The following TTC16 variants were observed in gnomAD, a reference collection of about 807,000 sequenced individuals.
TTC16 encodes the protein tetratricopeptide repeat protein 16.
TTC16 carries 66 observed loss-of-function variants against 80.4 expected under a neutral mutation model. That is an observed-to-expected ratio of 0.82 (90% CI 0.67 to 1.01). The LOEUF (loss-of-function observed/expected upper bound fraction) is 1.01. Among genes scored for constraint, TTC16 ranks in the 50% least tolerant of loss-of-function variants. TTC16 has a pLI of 0.00. For missense variants in TTC16, 1,070 were observed against 1,103.2 expected, an observed-to-expected ratio of 0.97 and a Z score of 0.43; for synonymous variants, 438 against 451.3, an observed-to-expected ratio of 0.97 and a Z score of 0.37.
At chr9:127,729,525 G>T (rs913989426) in intron 12 of TTC16, 56 bp from the exon 13 acceptor site, 3 of 1,463,664 alleles carry the variant, frequency 2.0e-6, no homozygotes, top group Non-Finnish European at 2.9e-6. Context: ...CCTTCTAGAG[G>T]TGCAGCTGCA....
chr9:127,716,746 T>G (rs560416741), intron 1 of TTC16, 98 bp from the exon 2 acceptor site: 10 of 1,457,598 alleles, frequency 6.9e-6, no homozygotes, highest in Admixed American at 4.9e-5. Context: ...CAGGCCTCAT[T>G]TCCGCCTCTC....
intron 10 of TTC16, among the ~76,000 whole-genome samples, chr9:127,726,767 G>A (rs545744096): frequency 1.7e-3 from 245 of 147,442 alleles, no homozygotes; most frequent in African/African-American, 5.7e-3. Flanking sequence ...CAGCCTGGGC[G>A]ATAGAGTGAG....
chr9:127,716,275 C>A, intron 1 of TTC16, 112 bp downstream of exon 1: 1 of 1,490,944 alleles, frequency 6.7e-7, no homozygotes, highest in Non-Finnish European at 9.3e-7. Context: ...CAGTCCGACT[C>A]AGGGAAGGCC....
chr9:127,720,412 G>A lies in TTC16; in HGVS notation c.657+17G>A, dbSNP rs756907815. 9.9e-6 allele frequency: 16 copies of A among 1,608,556 alleles called. No homozygotes were observed. Among genetic ancestry groups the A allele is most frequent in the Admixed American group, 6.7e-5 (4 of 59,922 alleles). The stretch of plus-strand genomic sequence containing the variant: ...CTCCAGAAGGTACAGTGGGGAGGGC[G>A]GGCAGGGGCATGCCCCCCAACCTGG... On this transcript the variant is annotated intron_variant, in intron 6 of 13. Coordinates refer to ENST00000373289, the MANE Select transcript of TTC16 (RefSeq NM_144965.3).
At chr9:127,728,333 G>A (rs979371470) in intron 12 of TTC16, 33 of 152,208 alleles carry the variant, frequency 2.2e-4, no homozygotes, top group African/African-American at 7.2e-4. Flanking sequence ...CTCACGCTGC[G>A]GCGGGTGGCA....
rs766174448 is a variant in TTC16 at position 127,723,234 on chromosome 9, C to T, written c.773C>T (p.Ala258Val). Residue 258 changes from alanine (A) to valine (V), a missense_variant, in exon 7 of 14, where the codon GCG becomes GTG. Coordinates refer to ENST00000373289, the MANE Select transcript of TTC16 (RefSeq NM_144965.3). ...VAQAQQARQDAGILAVQGKLQ... is the reference protein window; with the variant it reads ...VAQAQQARQDVGILAVQGKLQ... ...CAGGCCCAGCAGGCGCGCCAAGATG[C>T]GGGGATCCTGGCTGTGCAGGGCAAG... The T allele has an allele frequency of 2.7e-5, 44 of 1,612,764 alleles. No homozygotes were observed. Among genetic ancestry groups the T allele is most frequent in the African/African-American group, 8.0e-5 (6 of 74,942 alleles).
chr9:127,724,433 G>A, intron 8 of TTC16, 69 bp downstream of exon 8: 1 of 1,575,228 alleles, frequency 6.3e-7, no homozygotes, highest in Non-Finnish European at 8.6e-7. Flanking sequence ...GGCCCCCACT[G>A]GGCACTTGAG....
chr9:127,727,782 G>A (rs375274602), intron 12 of TTC16: 47 of 205,904 alleles, frequency 2.3e-4, no homozygotes, highest in African/African-American at 1.3e-3. Context: ...TTTTTGAGTC[G>A]GAGTCTTGCT....
Position 127,716,864 on chromosome 9 carries a change from G to T in TTC16, c.39G>T (p.Gln13His). ...DSDEDALKVD[Q>H]GPSRDIPKPW... ...TCTAGGATGCCCTGAAGGTTGACCAGGGCCCCTCACGGGACATCCCAAAGC... is the reference window on the plus strand; with the variant it reads ...TCTAGGATGCCCTGAAGGTTGACCATGGCCCCTCACGGGACATCCCAAAGC... Residue 13 changes from glutamine to histidine, a missense_variant, in exon 2 of 14, where the codon CAG becomes CAT. Physicochemically the swap from Gln to His is conservative, Grantham distance 24 (BLOSUM62 0). Coordinates refer to ENST00000373289, the MANE Select transcript of TTC16 (RefSeq NM_144965.3). 2 of 1,613,084 alleles carry T rather than the reference G, an allele frequency of 1.2e-6. No individual in the cohort carries two copies. Among genetic ancestry groups the T allele is most frequent in the Non-Finnish European group, 1.7e-6 (2 of 1,179,362 alleles).
rs750588330 is a variant in TTC16 at position 127,723,349 on chromosome 9, G to A, written c.872+16G>A. The stretch of plus-strand genomic sequence containing the variant: ...TCCTCTTCCGGTACTGCATGGGAAG[G>A]TGCTGGCCTTGGGTCCCAGGTCCTG... On this transcript the variant is annotated intron_variant, in intron 7 of 13. Transcript: ENST00000373289. 2.1e-5 allele frequency: 34 copies of A among 1,607,068 alleles called. No homozygotes were observed. Among genetic ancestry groups the A allele is most frequent in the Non-Finnish European group, 2.8e-5 (33 of 1,175,460 alleles).
At position 127,720,406 on chromosome 9, in the gene TTC16, G is replaced by A. The variant is rs909445542; in HGVS notation, c.657+11G>A. 3.7e-6 allele frequency: 6 copies of A among 1,606,220 alleles called. No individual in the cohort carries two copies. Among genetic ancestry groups the A allele is most frequent in the Non-Finnish European group, 4.3e-6 (5 of 1,174,422 alleles). On this transcript the variant is annotated intron_variant, in intron 6 of 13. Transcript: ENST00000373289. ...AACTTTCTCCAGAAGGTACAGTGGG[G>A]AGGGCGGGCAGGGGCATGCCCCCCA...
Position 127,731,549 on chromosome 9 carries a change from T to C in TTC16, c.*144T>C. 1.4e-6 allele frequency: 2 copies of C among 1,428,634 alleles called. No homozygotes were observed. The highest frequency in any genetic ancestry group is 1.8e-6 in the Non-Finnish European group (2 of 1,090,940). 88.5% of individuals were successfully genotyped at this position (1,428,634 alleles called of 1,614,324 possible). A position where few individuals can be genotyped will look rare whatever the true frequency, so the allele number is the denominator to read the frequency against. Reference sequence around the variant, plus strand: ...TCTGGTCCCACAGCTGAGTTTATTATACTTGTTTTCTTTTACAAAATTAAA... The same window carrying C: ...TCTGGTCCCACAGCTGAGTTTATTACACTTGTTTTCTTTTACAAAATTAAA... On this transcript the variant is annotated 3_prime_UTR_variant, in exon 14 of 14. Transcript: ENST00000373289.
At chr9:127,727,803 A>C (rs1357680450) in intron 12 of TTC16, 1 of 193,382 alleles carries the variant, frequency 5.2e-6, no homozygotes, top group Non-Finnish European at 1.1e-5. Flanking sequence ...CTGTCAACCT[A>C]GGCTGGAGTA....
At position 127,722,568 on chromosome 9, in the gene TTC16, G is replaced by C. The variant is rs1303037557; in HGVS notation, c.658-551G>C. On this transcript the variant is annotated intron_variant, in intron 6 of 13. Transcript: ENST00000373289. The surrounding 1 kb of genome is among the most constrained non-coding windows in gnomAD (Gnocchi z 4.2). ...GGTAGCATCTGCAGAAACCACTGGG[G>C]CTGGCCTGGCTCACCTGAGGTCACA... 6.6e-6 allele frequency among the ~76,000 whole-genome samples: 1 copy of C among 152,168 alleles called. No homozygotes were observed. The highest frequency in any genetic ancestry group is 1.5e-5 in the Non-Finnish European group (1 of 68,038).
intron 13 of TTC16, 51 bp downstream of exon 13, chr9:127,729,719 A>G (rs557630): frequency 0.59 from 922,057 of 1,568,358 alleles, 275,094 homozygotes; most frequent in African/African-American, 0.76. Flanking sequence ...GCAGCAGGGT[A>G]GTCAAAGCTC....
intron 3 of TTC16, 34 bp from the exon 4 acceptor site, chr9:127,717,595 G>A (rs781089272): frequency 1.2e-6 from 2 of 1,608,648 alleles, no homozygotes; most frequent in East Asian, 4.5e-5. Context: ...AGATGGTGGG[G>A]AGGATCTAGC....
intron 9 of TTC16, 132 bp downstream of exon 9, chr9:127,725,029 C>A: frequency 8.8e-7 from 1 of 1,132,470 alleles, no homozygotes. Flanking sequence ...CCCTGTAATC[C>A]CCACGCAGGT....
Position 127,726,358 on chromosome 9 carries a change from G to A in TTC16, c.1379G>A (p.Arg460His), listed in dbSNP as rs777386178. ...CTGCTGCAGAACATTTTTGGGGCCC[G>A]CCAGGATGTGGCCACTGTCCTGCTC... ...RQLLQNIFGA[R>H]QDVATVLLLN... Residue 460 changes from arginine (R) to histidine (H), a missense_variant, in exon 10 of 14, where the codon CGC becomes CAC. Transcript: ENST00000373289. 27 of 1,611,320 alleles carry A rather than the reference G, an allele frequency of 1.7e-5. No individual in the cohort carries two copies. Among genetic ancestry groups the A allele is most frequent in the East Asian group, 1.3e-4 (6 of 44,744 alleles).
rs934982154 is a variant in TTC16 at position 127,729,784 on chromosome 9, G to C, written c.1852+116G>C. The C allele has an allele frequency of 6.4e-5, 57 of 897,072 alleles. 1 individual carries two copies. The highest frequency in any genetic ancestry group is 5.2e-6 in the Non-Finnish European group (3 of 576,882). 55.6% of individuals were successfully genotyped at this position (897,072 alleles called of 1,614,324 possible). A position where few individuals can be genotyped will look rare whatever the true frequency, so the allele number is the denominator to read the frequency against. On this transcript the variant is annotated intron_variant, in intron 13 of 13. Transcript: ENST00000373289. ...CGTTCGGCCCCGCTGCTGACAGCTG[G>C]GTGGCCTGGGGCGAGTGGCTCTAGA... is the stretch of plus-strand genomic sequence containing the variant.
Sources: allele counts gnomAD v4.1 joint callset (sites outside exome capture counted in the v4.1 genomes callset), GRCh38; gene constraint gnomAD v4.1.1; non-coding constraint Gnocchi (gnomAD v3.1); transcripts MANE v1.5; gene names NCBI Gene and HGNC (gene_info 2026-07-23, HGNC 2026-07-21).